SYCE1: variants seen among roughly 807,000 people sequenced by gnomAD.
SYCE1 encodes the protein cancer/testis antigen 76.
A neutral mutation model predicts 55.1 loss-of-function variants in SYCE1; 37 were observed. That is an observed-to-expected ratio of 0.67 (90% CI 0.52 to 0.88). SYCE1 has a LOEUF of 0.88. Ranked by LOEUF, SYCE1 falls within the 40% of genes least tolerant of loss-of-function variation. The probability of loss-of-function intolerance (pLI) is 0.00; values close to 1 mark genes in which losing one functional copy is unlikely to be tolerated. For synonymous variants in SYCE1, 163 were observed against 159.4 expected, an observed-to-expected ratio of 1.02 and a Z score of -0.17; for missense variants, 399 against 416.4, an observed-to-expected ratio of 0.96 and a Z score of 0.36.
At chr10:133,559,930 A>G (rs1053540145) in intron 2 of SYCE1, 161 bp downstream of exon 2, 2 of 669,054 alleles carry the variant, frequency 3.0e-6, no homozygotes, top group Non-Finnish European at 5.0e-6. Context: ...TTAATTTTGA[A>G]ACATGGGGCC....
rs1163133062 is a variant in SYCE1, at chr10:133,565,559, C to T, written c.-30G>A. On this transcript the variant is annotated 5_prime_UTR_variant, in exon 1 of 13. Coordinates refer to ENST00000343131, the MANE Select transcript of SYCE1 (RefSeq NM_001143764.3). ...TCTCAGCTCGCCAGCGAGGGTGCCT[C>T]GGGAGGGAGCCTCCAGTGGTGATTG... is the stretch of plus-strand genomic sequence containing the variant. 1.3e-6 allele frequency: 2 copies of T among 1,545,982 alleles called. No individual in the cohort carries two copies. Among genetic ancestry groups the T allele is most frequent in the Admixed American group, 2.0e-5 (1 of 50,836 alleles).
downstream of SYCE1, chr10:133,553,922 T>C (rs1851585857): frequency 1.1e-5 from 2 of 174,414 alleles, no homozygotes; most frequent in Admixed American, 6.2e-5. Flanking sequence ...GACTATTTAT[T>C]AGTCTTTTTT....
upstream of SYCE1, among the ~76,000 whole-genome samples, chr10:133,567,498 TC>T (rs756982014): frequency 5.3e-5 from 8 of 152,000 alleles, no homozygotes; most frequent in Non-Finnish European, 1.2e-4. Flanking sequence ...CGGATGGTTT[TC>T]CTGCTTGGGA....
intron 6 of SYCE1, 78 bp downstream of exon 6, chr10:133,557,784 TCA>T: frequency 4.6e-6 from 7 of 1,508,872 alleles, no homozygotes; most frequent in Non-Finnish European, 6.4e-6. Flanking sequence ...GCTGTGGGTC[TCA>T]GATTCATCTT....
chr10:133,567,910 A>G (rs868833467), upstream of SYCE1: 2 of 523,042 alleles, frequency 3.8e-6, no homozygotes, highest in East Asian at 4.9e-5. Context: ...GTGGGCAGGC[A>G]GGTGGATGGC....
At chr10:133,567,493 G>A (rs1156942705), upstream of SYCE1, among the ~76,000 whole-genome samples, 1 of 151,990 alleles carries the variant, frequency 6.6e-6, no homozygotes, top group Non-Finnish European at 1.5e-5. Context: ...CTGGACGGAT[G>A]GTTTTCCTGC....
At chr10:133,558,754 G>T in intron 4 of SYCE1, 123 bp downstream of exon 4, 2 of 909,776 alleles carry the variant, frequency 2.2e-6, no homozygotes, top group Non-Finnish European at 3.4e-6. Flanking sequence ...AGATTGGCAG[G>T]ACATGAGGCT....
chr10:133,557,889 G>A lies in SYCE1; in HGVS notation c.349C>T (p.Gln117Ter). The A allele has an allele frequency of 6.2e-7, 1 of 1,614,118 alleles. No homozygotes were observed. Among genetic ancestry groups the A allele is most frequent in the Non-Finnish European group, 8.5e-7 (1 of 1,180,028 alleles). Reference sequence around the variant, plus strand: ...CTGTGTGCCTCACTTTCCTTTTCCTGGCAATGCAGCCGGAGGATCCTCAGG... The same window carrying A: ...CTGTGTGCCTCACTTTCCTTTTCCTAGCAATGCAGCCGGAGGATCCTCAGG... ...ETLRILRLHCQEKESEAHRKH... is the reference protein window; with the variant it reads ...ETLRILRLHC The change falls in exon 6 of 13, where the codon CAG (glutamine) becomes TAG (stop). Residue 117 changes from glutamine to a stop codon, truncating the protein, a stop_gained. Transcript: ENST00000343131. LOFTEE classifies it high-confidence loss of function.
upstream of SYCE1, chr10:133,568,286 C>T (rs1310845145): frequency 3.5e-6 from 5 of 1,411,466 alleles, no homozygotes; most frequent in South Asian, 1.2e-5. Flanking sequence ...CTTCTCCAGC[C>T]TGAGCCCGCC....
intron 8 of SYCE1, chr10:133,556,485 T>C (rs1399349496): frequency 1.8e-6 from 1 of 550,920 alleles, no homozygotes; most frequent in Non-Finnish European, 3.3e-6. Context: ...GGGCTGCTTA[T>C]CCTCGTTGTC....
chr10:133,563,021 A>G (rs139620416), intron 1 of SYCE1, among the ~76,000 whole-genome samples: 353 of 152,400 alleles, frequency 2.3e-3, no homozygotes, highest in Admixed American at 3.9e-3. Context: ...GCACCTGACC[A>G]AAGTTTGTAA....
intron 6 of SYCE1, 46 bp from the exon 7 acceptor site, chr10:133,557,202 G>T: frequency 6.5e-7 from 1 of 1,546,290 alleles, no homozygotes; most frequent in Non-Finnish European, 8.9e-7. Flanking sequence ...TTAAGCCCCA[G>T]GAGGGCACTG....
At chr10:133,564,529 T>C in intron 1 of SYCE1, 3 of 661,348 alleles carry the variant, frequency 4.5e-6, no homozygotes, top group Non-Finnish European at 5.6e-6. Context: ...TGTCCTTCGC[T>C]GGGGCTTTCA....
chr10:133,568,177 A>C, upstream of SYCE1: 1 of 1,005,090 alleles, frequency 9.9e-7, no homozygotes, highest in Non-Finnish European at 1.5e-6. Context: ...CAGCGCCCGA[A>C]GTCCACGTAC....
upstream of SYCE1, chr10:133,567,785 T>G (rs1221851516): frequency 3.1e-6 from 1 of 327,478 alleles, no homozygotes; most frequent in South Asian, 2.4e-5. Flanking sequence ...GGCTGGGCTG[T>G]TGGTACAGGA....
At chr10:133,554,086 T>C, downstream of SYCE1, 1 of 457,122 alleles carries the variant, frequency 2.2e-6, no homozygotes, top group Non-Finnish European at 3.9e-6. Flanking sequence ...ATGTGGTGTC[T>C]TCATTGCCAC....
intron 1 of SYCE1, among the ~76,000 whole-genome samples, chr10:133,564,839 C>G (rs1009710494): frequency 6.6e-6 from 1 of 152,222 alleles, no homozygotes; most frequent in South Asian, 2.1e-4. Context: ...GAAGTGGAAA[C>G]GGCCAGGACA....
intron 4 of SYCE1, 64 bp from the exon 5 acceptor site, chr10:133,558,278 G>C: frequency 6.4e-7 from 1 of 1,573,826 alleles, no homozygotes; most frequent in South Asian, 1.1e-5. Context: ...GATGGGGCTT[G>C]CTCACGGTCA....
upstream of SYCE1, chr10:133,567,965 G>T: frequency 1.7e-6 from 1 of 580,090 alleles, no homozygotes; most frequent in Non-Finnish European, 3.2e-6. Flanking sequence ...CACAGGGGCA[G>T]CCAGCAGCTC....
Sources: allele counts gnomAD v4.1 joint callset (sites outside exome capture counted in the v4.1 genomes callset), GRCh38; gene constraint gnomAD v4.1.1; transcripts MANE v1.5; gene names NCBI Gene and HGNC (gene_info 2026-07-23, HGNC 2026-07-21).